TMTC4: variants seen among roughly 807,000 people sequenced by gnomAD.
TMTC4 encodes the protein protein O-mannosyl-transferase TMTC4.
TMTC4 carries 65 observed loss-of-function variants against 86.0 expected under a neutral mutation model. That is an observed-to-expected ratio of 0.76 (90% confidence interval 0.62 to 0.93). The LOEUF (loss-of-function observed/expected upper bound fraction) is 0.93. Among genes scored for constraint, TMTC4 ranks in the 40% least tolerant of loss-of-function variants. The pLI, the probability that TMTC4 is intolerant of heterozygous loss-of-function variation, is 0.00. For synonymous variants in TMTC4, 379 were observed against 382.5 expected (o/e 0.99, Z 0.11); for missense variants, 866 against 948.1 (o/e 0.91, Z 1.14).
At chr13:100,618,470 T>A (rs951961353) in intron 15 of TMTC4, among the ~76,000 whole-genome samples, 9 of 149,738 alleles carry the variant, frequency 6.0e-5, no homozygotes, top group South Asian at 2.1e-4. Flanking sequence ...TTTTTTTTTT[T>A]AATCTCTCTC....
At chr13:100,640,523 C>A (rs1386995536) in intron 7 of TMTC4, among the ~76,000 whole-genome samples, 2 of 152,102 alleles carry the variant, frequency 1.3e-5, no homozygotes. Context: ...TTTAATTGTT[C>A]TTTCCTTTCC....
At chr13:100,638,657 G>A (rs1390893459) in intron 7 of TMTC4, 4 of 152,242 alleles carry the variant, frequency 2.6e-5, no homozygotes, top group African/African-American at 9.7e-5. Flanking sequence ...TAGCCTTATG[G>A]AATGTGGGAG....
intron 3 of TMTC4, among the ~76,000 whole-genome samples, chr13:100,667,975 A>G (rs1886596180): frequency 6.6e-6 from 1 of 152,162 alleles, no homozygotes; most frequent in East Asian, 1.9e-4. Context: ...CATAGCAACC[A>G]CTGGTAAGCA....
chr13:100,614,943 T>G, intron 15 of TMTC4: 1 of 985,308 alleles, frequency 1.0e-6, no homozygotes, highest in Non-Finnish European at 1.2e-6. Flanking sequence ...TGAAGGGTGG[T>G]CTCAGGGCCT....
At chr13:100,674,672 G>A in intron 1 of TMTC4, 72 bp downstream of exon 1, 2 of 981,796 alleles carry the variant, frequency 2.0e-6, no homozygotes, top group Admixed American at 6.3e-5. Flanking sequence ...CGGGGAACCC[G>A]CGCCCGCTCC....
intron 17 of TMTC4, among the ~76,000 whole-genome samples, chr13:100,607,005 T>C (rs1365047640): frequency 6.6e-6 from 1 of 152,208 alleles, no homozygotes; most frequent in African/African-American, 2.4e-5. Context: ...TTGCACAGCC[T>C]TGCATTTCTT....
At chr13:100,649,198 G>A (rs182854376) in intron 6 of TMTC4, among the ~76,000 whole-genome samples, 1 of 152,274 alleles carries the variant, frequency 6.6e-6, no homozygotes, top group Admixed American at 6.5e-5. Context: ...CAGTTCTGGA[G>A]GTGAACAAAA....
intron 17 of TMTC4, among the ~76,000 whole-genome samples, 181 bp downstream of exon 17, chr13:100,612,217 T>C (rs1292459307): frequency 6.6e-6 from 1 of 152,252 alleles, no homozygotes; most frequent in Non-Finnish European, 1.5e-5. Flanking sequence ...GACACTGGGT[T>C]TGGCCCCACA....
chr13:100,634,874 G>A lies in TMTC4; in HGVS notation c.1437C>T (p.Arg479=), dbSNP rs1462116959. The A allele has an allele frequency of 1.2e-6, 2 of 1,614,106 alleles. No individual in the cohort carries two copies. The highest frequency in any genetic ancestry group is 2.2e-5 in the East Asian group (1 of 44,892). Residue 479 remains arginine (R), a synonymous_variant, in exon 12 of 19, where the codon CGC becomes CGT. Coordinates refer to ENST00000342624, the MANE Select transcript of TMTC4 (RefSeq NM_032813.5). ...LFINTLRCVL[R]SGEWRSEEQL... Reference sequence around the variant, plus strand: ...GTTCCTCACTCCGCCACTCGCCGCTGCGCAGCACACATCTCAGCGTGTTGA... The same window carrying A: ...GTTCCTCACTCCGCCACTCGCCGCTACGCAGCACACATCTCAGCGTGTTGA...
chr13:100,668,261 G>T, intron 3 of TMTC4: 1 of 206,660 alleles, frequency 4.8e-6, no homozygotes, highest in Non-Finnish European at 9.5e-6. Flanking sequence ...TGCAAAATCT[G>T]GAATACTAAG....
At chr13:100,661,034 C>A in intron 5 of TMTC4, among the ~76,000 whole-genome samples, 1 of 152,268 alleles carries the variant, frequency 6.6e-6, no homozygotes, top group African/African-American at 2.4e-5. Context: ...TCTGCAGAAA[C>A]GCTGAAAGGT....
At chr13:100,655,679 T>A (rs1480453189) in intron 6 of TMTC4, among the ~76,000 whole-genome samples, 1 of 152,232 alleles carries the variant, frequency 6.6e-6, no homozygotes, top group Non-Finnish European at 1.5e-5. Context: ...CCACCACTGT[T>A]CTCAATACTT....
intron 17 of TMTC4, among the ~76,000 whole-genome samples, chr13:100,610,331 C>T (rs545952431): frequency 2.0e-5 from 3 of 152,298 alleles, no homozygotes; most frequent in African/African-American, 7.2e-5. Flanking sequence ...CAAGCAGTGC[C>T]AGGGATGCAG....
intron 15 of TMTC4, among the ~76,000 whole-genome samples, chr13:100,618,744 G>A (rs966303226): frequency 1.3e-5 from 2 of 152,072 alleles, no homozygotes; most frequent in African/African-American, 2.4e-5. Context: ...ATCTTGCACC[G>A]CCCTTAATCC....
chr13:100,662,446 G>A (rs368000341), intron 5 of TMTC4, among the ~76,000 whole-genome samples: 2 of 152,136 alleles, frequency 1.3e-5, no homozygotes, highest in East Asian at 2.0e-4. Context: ...CATCCCTAAA[G>A]TGGAACTGTT....
Position 100,628,278 on chromosome 13 carries a change from A to C in TMTC4, c.1507-2128T>G, listed in dbSNP as rs116973627. 1.4e-3 allele frequency among the ~76,000 whole-genome samples: 217 copies of C among 152,316 alleles called. 4 individuals are homozygous for C. The South Asian group carries it at 0.015, about 11-fold the overall frequency. On this transcript the variant is annotated intron_variant, in intron 12 of 18. Coordinates refer to ENST00000342624, the MANE Select transcript of TMTC4 (RefSeq NM_032813.5). ...CATTTGACTCCCACGTGCCTCATGT[A>C]AGTGGAATTGTACAGGATTTGTCCA... is the stretch of plus-strand genomic sequence containing the variant.
At chr13:100,614,273 G>A (rs975030070) in intron 16 of TMTC4, 43 bp downstream of exon 16, 1 of 1,449,810 alleles carries the variant, frequency 6.9e-7, no homozygotes, top group African/African-American at 1.4e-5. Context: ...GCATTTTACT[G>A]TGGAGCCATT....
At chr13:100,657,809 T>C (rs1315684230) in intron 5 of TMTC4, among the ~76,000 whole-genome samples, 2 of 152,294 alleles carry the variant, frequency 1.3e-5, no homozygotes. Context: ...GTGCAGTCAA[T>C]AGCTGAAACA....
intron 12 of TMTC4, among the ~76,000 whole-genome samples, chr13:100,630,211 A>G (rs1191820753): frequency 6.6e-6 from 1 of 152,188 alleles, no homozygotes; most frequent in African/African-American, 2.4e-5. Flanking sequence ...TGCCTTATCC[A>G]TCTTAACCTA....
Sources: gnomAD v4.1 joint callset for allele counts (sites outside exome capture counted in the v4.1 genomes callset) on GRCh38, gnomAD v4.1.1 for gene constraint, MANE v1.5 for transcripts, NCBI Gene and HGNC (gene_info 2026-07-23, HGNC 2026-07-21) for gene names.